Variants in LOXL3 observed in about 807,000 individuals in gnomAD.
The protein encoded by LOXL3 is lysyl oxidase like 3.
In LOXL3, 60 loss-of-function variants were observed where a neutral mutation model predicts 91.8. That is an observed-to-expected ratio of 0.65 (90% confidence interval 0.53 to 0.81). The LOEUF (loss-of-function observed/expected upper bound fraction) is 0.81, where lower values mean the gene tolerates loss of function less well. Among genes scored for constraint, LOXL3 ranks in the 30% least tolerant of loss-of-function variants. The pLI is 0.00. For synonymous variants in LOXL3, 355 were observed against 387.6 expected, an observed-to-expected ratio of 0.92 and a Z score of 0.99; for missense variants, 874 against 1,000.4, an observed-to-expected ratio of 0.87 and a Z score of 1.70.
In LOXL3 at chr2:74,536,499, G is replaced by C; in HGVS notation, c.913-28C>G. The C allele has an allele frequency of 6.3e-7, 1 of 1,598,830 alleles. No homozygotes were observed. The highest frequency in any genetic ancestry group is 8.5e-7 in the Non-Finnish European group (1 of 1,171,690). On this transcript the variant is annotated intron_variant, in intron 5 of 13. Transcript: ENST00000264094. This position sits in a 1 kb window ranked among gnomAD's most constrained non-coding sequence, Gnocchi z 4.5. ...ATAGAAGAGAGAAGTGCCCAACAGA[G>C]GCAAATGGCAACATCTGCACGGAGG...
intron 4 of LOXL3, among the ~76,000 whole-genome samples, chr2:74,545,687 G>A (rs1051175485): frequency 7.2e-5 from 11 of 152,108 alleles, no homozygotes; most frequent in Non-Finnish European, 1.0e-4. Context: ...TTGGCTCCCA[G>A]GCCACCACAC....
rs1558619622 is a variant in LOXL3 at position 74,536,249 on chromosome 2, T to C, written c.1093+42A>G. Reference sequence around the variant, plus strand: ...CGAAGGAATATGCCCCCCAGGAGCATGTACCTCCTTCCCTCTCCCTCCCAC... The same window carrying C: ...CGAAGGAATATGCCCCCCAGGAGCACGTACCTCCTTCCCTCTCCCTCCCAC... On this transcript the variant is annotated intron_variant, in intron 6 of 13. Coordinates refer to ENST00000264094, the MANE Select transcript of LOXL3 (RefSeq NM_032603.5). This position sits in a 1 kb window ranked among gnomAD's most constrained non-coding sequence, Gnocchi z 4.5. 1 of 1,612,128 alleles carries C rather than the reference T, an allele frequency of 6.2e-7. No individual in the cohort carries two copies. The highest frequency in any genetic ancestry group is 8.5e-7 in the Non-Finnish European group (1 of 1,179,296).
intron 12 of LOXL3, 33 bp downstream of exon 12, chr2:74,534,067 C>A: frequency 6.2e-7 from 1 of 1,613,032 alleles, no homozygotes; most frequent in South Asian, 1.1e-5. Flanking sequence ...GCTCCCCCCA[C>A]TCACCCATCT....
Position 74,532,766 on chromosome 2 carries a change from C to T in LOXL3, c.*840G>A. On this transcript the variant is annotated 3_prime_UTR_variant, in exon 14 of 14. Transcript: ENST00000264094. ...GGGGATGGGCAAGGTGTGCATGTGT[C>T]CTTGAACTAGGCTTTGTACTCCTTC... The T allele has an allele frequency of 6.2e-7, 1 of 1,612,738 alleles. No homozygotes were observed. Among genetic ancestry groups the T allele is most frequent in the Non-Finnish European group, 8.5e-7 (1 of 1,178,902 alleles).
At position 74,536,490 on chromosome 2, in the gene LOXL3, C is replaced by T; in HGVS notation, c.913-19G>A. On this transcript the variant is annotated intron_variant, in intron 5 of 13. Coordinates refer to ENST00000264094, the MANE Select transcript of LOXL3 (RefSeq NM_032603.5). This position sits in a 1 kb window ranked among gnomAD's most constrained non-coding sequence, Gnocchi z 4.5. ...CACGGGCCTATAGAAGAGAGAAGTG[C>T]CCAACAGAGGCAAATGGCAACATCT... 6.2e-7 allele frequency: 1 copy of T among 1,604,224 alleles called. No individual in the cohort carries two copies. Among genetic ancestry groups the T allele is most frequent in the Non-Finnish European group, 8.5e-7 (1 of 1,174,700 alleles).
At position 74,534,726 on chromosome 2, in the gene LOXL3, T is replaced by G. The variant is rs1675891495; in HGVS notation, c.1628A>C (p.Tyr543Ser). Residue 543 changes from tyrosine to serine, a missense_variant, in exon 10 of 14, where the codon TAC (tyrosine) becomes TCC (serine). Transcript: ENST00000264094. ...CATATGCAGGGGCCGGTCTTCGATG[T>G]AGGCGGTCTCCTGCACCAGTGCTGA... ...LHSALVQETA[Y>S]IEDRPLHMLY... is the part of the protein sequence containing the mutation. The G allele has an allele frequency of 6.2e-7, 1 of 1,614,194 alleles. No individual in the cohort carries two copies. Among genetic ancestry groups the G allele is most frequent in the Non-Finnish European group, 8.5e-7 (1 of 1,180,036 alleles).
rs1573026160 is a variant in LOXL3 at position 74,549,745 on chromosome 2, T to G, written c.478-162A>C. The G allele has an allele frequency of 2.8e-6, 4 of 1,439,508 alleles. 1 individual carries two copies. In the South Asian group the frequency reaches 6.0e-5, roughly 22 times the overall value. 89.2% of individuals were successfully genotyped at this position (1,439,508 alleles called of 1,614,324 possible). ...GCCACGATGGCCGCAGTCCGCGGTG[T>G]GGACTCTCTTGCAGCCAGCAGCGCG... On this transcript the variant is annotated intron_variant, in intron 3 of 13. Transcript: ENST00000264094. The surrounding 1 kb of genome is among the most constrained non-coding windows in gnomAD (Gnocchi z 5.3).
chr2:74,552,473 G>A lies in LOXL3; in HGVS notation c.162C>T (p.Tyr54=), dbSNP rs780347605. Residue 54 remains tyrosine, a synonymous_variant, in exon 2 of 14, where the codon TAC becomes TAT. Transcript: ENST00000264094. ...CTCGCTGTATCTCCACGCGGCCCTC[G>A]TAGGGCTTCCTGGGGAAGCCAGCCA... ...FRLAGFPRKP[Y]EGRVEIQRAG... The A allele has an allele frequency of 4.5e-5, 72 of 1,613,506 alleles. No homozygotes were observed. The highest frequency in any genetic ancestry group is 6.6e-5 in the South Asian group (6 of 91,088).
At chr2:74,544,317 A>AAAAC (rs143041851) in intron 4 of LOXL3, among the ~76,000 whole-genome samples, 12 of 152,130 alleles carry the variant, frequency 7.9e-5, no homozygotes, top group Admixed American at 3.3e-4. Context: ...ACAAACAAAC[A>AAAAC]AAACAAACAA....
intron 2 of LOXL3, among the ~76,000 whole-genome samples, chr2:74,551,186 AGCCTCCCAAAGT>A (rs1676986889): frequency 6.6e-6 from 1 of 152,178 alleles, no homozygotes; most frequent in African/African-American, 2.4e-5. Context: ...CACCCACCTC[AGCCTCCCAAAGT>A]GCTGGGATTA....
Position 74,549,603 on chromosome 2 carries a change from C to A in LOXL3, c.478-20G>T. On this transcript the variant is annotated intron_variant, in intron 3 of 13. Transcript: ENST00000264094. The surrounding 1 kb of genome is among the most constrained non-coding windows in gnomAD (Gnocchi z 5.3). ...CTCTACCTGGGGGCGGGGCCACAAGCAGGGAAAGAATCCCAGTGGCACCTT... is the reference window on the plus strand; with the variant it reads ...CTCTACCTGGGGGCGGGGCCACAAGAAGGGAAAGAATCCCAGTGGCACCTT... The A allele has an allele frequency of 6.3e-7, 1 of 1,593,558 alleles. No individual in the cohort carries two copies.
At chr2:74,543,900 C>CAAAAAAAAAAAAAAAAAAA (rs960168777) in intron 4 of LOXL3, among the ~76,000 whole-genome samples, 51 of 65,020 alleles carry the variant, frequency 7.8e-4, no homozygotes, top group Non-Finnish European at 1.5e-3. Context: ...GGCTCTGTCT[C>CAAAAAAAAAAAAAAAAAAA]AAAAAAAAAA....
At position 74,535,244 on chromosome 2, in the gene LOXL3, G is replaced by A; in HGVS notation, c.1579+48C>T. On this transcript the variant is annotated intron_variant, in intron 9 of 13. Coordinates refer to ENST00000264094, the MANE Select transcript of LOXL3 (RefSeq NM_032603.5). This position sits in a 1 kb window ranked among gnomAD's most constrained non-coding sequence, Gnocchi z 4.2. ...AGCCCCCTTTCCCTGCAAACGGGTG[G>A]CCCAGACACTCCCTTCCCTGGCATG... 6.4e-7 allele frequency: 1 copy of A among 1,571,484 alleles called. No homozygotes were observed. Among genetic ancestry groups the A allele is most frequent in the South Asian group, 1.2e-5 (1 of 86,290 alleles).
intron 1 of LOXL3, among the ~76,000 whole-genome samples, chr2:74,553,441 G>A (rs1677159407): frequency 6.6e-6 from 1 of 152,200 alleles, no homozygotes; most frequent in East Asian, 1.9e-4. Flanking sequence ...GGTTGTCCCA[G>A]CCTCCTGCCA....
chr2:74,555,509 C>G, upstream of LOXL3: 1 of 1,611,534 alleles, frequency 6.2e-7, no homozygotes, highest in Non-Finnish European at 8.5e-7. This position sits in a 1 kb window ranked among gnomAD's most constrained non-coding sequence, Gnocchi z 6.1. Flanking sequence ...AGAAATGGGG[C>G]TGCCTCAGAC....
chr2:74,544,913 C>T (rs1676517409), intron 4 of LOXL3, among the ~76,000 whole-genome samples: 1 of 152,174 alleles, frequency 6.6e-6, no homozygotes. Context: ...CCCAGGGCTC[C>T]CGCAATCTCT....
intron 4 of LOXL3, among the ~76,000 whole-genome samples, chr2:74,539,585 C>T (rs1017496752): frequency 3.9e-5 from 6 of 152,124 alleles, no homozygotes; most frequent in African/African-American, 1.4e-4. Context: ...TCAGCCACTC[C>T]TACATTACTT....
At chr2:74,548,743 G>A (rs749975497) in intron 4 of LOXL3, among the ~76,000 whole-genome samples, 5 of 152,090 alleles carry the variant, frequency 3.3e-5, no homozygotes, top group Non-Finnish European at 7.4e-5. Flanking sequence ...CTGGAAGCCG[G>A]ACTGGACCCC....
intron 4 of LOXL3, among the ~76,000 whole-genome samples, chr2:74,543,006 A>C (rs1676408374): frequency 6.6e-6 from 1 of 150,670 alleles, no homozygotes. Context: ...TAAATCCAGC[A>C]GACATTTTTC....
Sources: gnomAD v4.1 joint callset for allele counts (sites outside exome capture counted in the v4.1 genomes callset) on GRCh38, gnomAD v4.1.1 for gene constraint, Gnocchi (gnomAD v3.1) non-coding constraint, MANE v1.5 for transcripts, NCBI Gene and HGNC (gene_info 2026-07-23, HGNC 2026-07-21) for gene names.